Variants in CFAP299 observed in about 807,000 individuals in gnomAD.
The protein encoded by CFAP299 is cilia- and flagella-associated protein 299.
A neutral mutation model predicts 27.0 loss-of-function variants in CFAP299; 21 were observed. The observed-to-expected ratio is 0.78, with a 90% CI of 0.55 to 1.12. The LOEUF (loss-of-function observed/expected upper bound fraction) is 1.12, where lower values mean the gene tolerates loss of function less well. Ranked by LOEUF, CFAP299 falls within the 50% of genes most tolerant of loss-of-function variation. CFAP299 has a pLI of 0.00. For missense variants in CFAP299, 310 were observed against 276.6 expected, an observed-to-expected ratio of 1.12 and a Z score of -0.86; for synonymous variants, 104 against 98.1, an observed-to-expected ratio of 1.06 and a Z score of -0.36.
intron 2 of CFAP299, among the ~76,000 whole-genome samples, chr4:80,442,777 T>C (rs887813045): frequency 6.6e-6 from 1 of 151,828 alleles, no homozygotes; most frequent in Admixed American, 6.6e-5. Context: ...ATTAACAAAA[T>C]AGATAGACTA....
intron 3 of CFAP299, among the ~76,000 whole-genome samples, chr4:80,726,777 G>A (rs1182055302): frequency 6.6e-6 from 1 of 152,154 alleles, no homozygotes; most frequent in Non-Finnish European, 1.5e-5. Flanking sequence ...TTGGCTTGAA[G>A]TTGATTTAAA....
At chr4:80,849,110 C>T (rs1418150916) in intron 3 of CFAP299, among the ~76,000 whole-genome samples, 1 of 152,106 alleles carries the variant, frequency 6.6e-6, no homozygotes, top group African/African-American at 2.4e-5. Context: ...AAAACACAAA[C>T]ACATTGTACA....
At chr4:80,906,163 G>A (rs1039040373) in intron 4 of CFAP299, among the ~76,000 whole-genome samples, 5 of 137,516 alleles carry the variant, frequency 3.6e-5, no homozygotes, top group Admixed American at 6.8e-5. Context: ...CAAAATGAAG[G>A]GGCTATAGGC....
At chr4:80,371,311 G>A (rs1425815954) in intron 2 of CFAP299, among the ~76,000 whole-genome samples, 1 of 152,142 alleles carries the variant, frequency 6.6e-6, no homozygotes, top group Non-Finnish European at 1.5e-5. Flanking sequence ...GGGAGGGGCT[G>A]CCACGAAGGT....
intron 2 of CFAP299, among the ~76,000 whole-genome samples, chr4:80,562,106 C>T (rs1407854424): frequency 6.6e-6 from 1 of 151,976 alleles, no homozygotes; most frequent in Admixed American, 6.6e-5. Context: ...ATAGTATTTG[C>T]AAGCCTCATA....
chr4:80,944,864 A>C lies in CFAP299; in HGVS notation c.531A>C (p.Gln177His). 6.2e-7 allele frequency: 1 copy of C among 1,612,056 alleles called. No homozygotes were observed. Among genetic ancestry groups the C allele is most frequent in the South Asian group, 1.1e-5 (1 of 90,972 alleles). Reference sequence around the variant, plus strand: ...TTAGTAATTCAAGTCCCAACTATCAAGTGATTGCCGATAATCCAGAAGGCT... The same window carrying C: ...TTAGTAATTCAAGTCCCAACTATCACGTGATTGCCGATAATCCAGAAGGCT... ...IAVSNSSPNY[Q>H]VIADNPEGLL... Residue 177 changes from glutamine (Q) to histidine (H), a missense_variant, in exon 5 of 6, where the codon CAA becomes CAC. Physicochemically the swap from Gln to His is conservative, Grantham distance 24 (BLOSUM62 0). Coordinates refer to ENST00000358105, the MANE Select transcript of CFAP299 (RefSeq NM_152770.3).
At chr4:80,437,576 A>G (rs1360311289) in intron 2 of CFAP299, among the ~76,000 whole-genome samples, 2 of 152,194 alleles carry the variant, frequency 1.3e-5, no homozygotes, top group Admixed American at 1.3e-4. Context: ...CCAAAATTTT[A>G]ATAAAGGGCA....
intron 2 of CFAP299, among the ~76,000 whole-genome samples, chr4:80,393,410 C>T (rs974400517): frequency 3.9e-5 from 6 of 152,140 alleles, no homozygotes; most frequent in East Asian, 3.9e-4. Context: ...AGTACAGTAA[C>T]GTGTTAGGCT....
At chr4:80,696,007 A>G (rs2110021995) in intron 3 of CFAP299, among the ~76,000 whole-genome samples, 1 of 152,188 alleles carries the variant, frequency 6.6e-6, no homozygotes, top group East Asian at 1.9e-4. Context: ...AGAATTTTTA[A>G]AAGAGAAGTA....
chr4:80,854,810 G>GAAAAAAAAA (rs58533748), intron 3 of CFAP299, among the ~76,000 whole-genome samples: 2 of 43,362 alleles, frequency 4.6e-5, no homozygotes, highest in African/African-American at 7.3e-5. Context: ...CTGTTGCTAT[G>GAAAAAAAAA]AAAAAAAAAA....
intron 1 of CFAP299, among the ~76,000 whole-genome samples, chr4:80,352,272 A>G (rs1386095332): frequency 6.6e-6 from 1 of 152,218 alleles, no homozygotes; most frequent in South Asian, 2.1e-4. Flanking sequence ...TAAAAGATTT[A>G]AAGAGCAGTC....
chr4:80,423,521 T>C (rs1301095447), intron 2 of CFAP299, among the ~76,000 whole-genome samples: 1 of 152,174 alleles, frequency 6.6e-6, no homozygotes, highest in Admixed American at 6.5e-5. Flanking sequence ...TGGGCCAAGG[T>C]CTCAACTGTG....
At chr4:80,398,390 A>G (rs1165946528) in intron 2 of CFAP299, among the ~76,000 whole-genome samples, 1 of 152,202 alleles carries the variant, frequency 6.6e-6, no homozygotes, top group Non-Finnish European at 1.5e-5. Flanking sequence ...TTCAATCCTA[A>G]GCCAAAAGAA....
chr4:80,374,021 A>T (rs189507387), intron 2 of CFAP299, among the ~76,000 whole-genome samples: 1 of 152,248 alleles, frequency 6.6e-6, no homozygotes, highest in Admixed American at 6.5e-5. Flanking sequence ...TCTCTTCTTC[A>T]AAAGTCTCTC....
intron 3 of CFAP299, among the ~76,000 whole-genome samples, chr4:80,864,476 G>A (rs1435765573): frequency 4.6e-5 from 6 of 131,492 alleles, no homozygotes; most frequent in Middle Eastern, 4.2e-3. Flanking sequence ...ATACCTATGT[G>A]TATACATATA....
At chr4:80,725,608 G>A (rs1467948830) in intron 3 of CFAP299, among the ~76,000 whole-genome samples, 1 of 152,146 alleles carries the variant, frequency 6.6e-6, no homozygotes, top group Non-Finnish European at 1.5e-5. Flanking sequence ...CTCTTCACAG[G>A]TCAGTTTCTC....
intron 2 of CFAP299, among the ~76,000 whole-genome samples, chr4:80,420,779 T>A (rs190921571): frequency 1.3e-5 from 2 of 152,218 alleles, no homozygotes. Context: ...TCTTGTTCTG[T>A]TCTCAGTAAA....
chr4:80,910,517 T>C (rs1282786347), intron 4 of CFAP299, among the ~76,000 whole-genome samples: 1 of 152,134 alleles, frequency 6.6e-6, no homozygotes, highest in Admixed American at 6.6e-5. Flanking sequence ...ATCTTGTCCT[T>C]TGCAGGAACA....
At chr4:80,522,131 T>C (rs1312975504) in intron 2 of CFAP299, among the ~76,000 whole-genome samples, 2 of 152,044 alleles carry the variant, frequency 1.3e-5, no homozygotes, top group African/African-American at 4.8e-5. Flanking sequence ...CTAACACTTA[T>C]TACTTTCTGT....
Sources: gnomAD v4.1 joint callset for allele counts (sites outside exome capture counted in the v4.1 genomes callset) on GRCh38, gnomAD v4.1.1 for gene constraint, MANE v1.5 for transcripts, NCBI Gene and HGNC (gene_info 2026-07-23, HGNC 2026-07-21) for gene names.